KIF15: variants seen among roughly 807,000 people sequenced by gnomAD.
KIF15 encodes the protein kinesin family member 15.
In KIF15, 140 loss-of-function variants were observed where a neutral mutation model predicts 190.6. That is an observed-to-expected ratio of 0.73 (90% CI 0.64 to 0.84). The LOEUF is 0.84. Among genes scored for constraint, KIF15 ranks in the 40% least tolerant of loss-of-function variants. KIF15 has a pLI of 0.00. For missense variants in KIF15, 1,372 were observed against 1,584.4 expected, an observed-to-expected ratio of 0.87 and a Z score of 2.28; for synonymous variants, 528 against 551.3, an observed-to-expected ratio of 0.96 and a Z score of 0.59.
At chr3:44,831,074 T>C in intron 26 of KIF15, 56 bp downstream of exon 26, 1 of 1,550,734 alleles carries the variant, frequency 6.4e-7, no homozygotes, top group South Asian at 1.2e-5. Context: ...TCAATATGTG[T>C]ATTTGTGTGT....
intron 27 of KIF15, among the ~76,000 whole-genome samples, chr3:44,838,790 G>C (rs1386031683): frequency 6.6e-6 from 1 of 150,696 alleles, no homozygotes; most frequent in African/African-American, 2.4e-5. Flanking sequence ...GGAATCCACA[G>C]TTGAGGTTGT....
intron 20 of KIF15, 53 bp downstream of exon 20, chr3:44,815,129 C>A: frequency 1.5e-6 from 2 of 1,377,882 alleles, no homozygotes; most frequent in Admixed American, 2.6e-5. Flanking sequence ...TAACCTACGA[C>A]TGTTTGAAGT....
chr3:44,828,087 C>A (rs1697773632), intron 23 of KIF15, 127 bp from the exon 24 acceptor site: 1 of 618,062 alleles, frequency 1.6e-6, no homozygotes, highest in Non-Finnish European at 2.8e-6. Context: ...CCCAATTTAT[C>A]ATTTTCAAGT....
At chr3:44,762,629 TG>T (rs1705200571) in intron 1 of KIF15, among the ~76,000 whole-genome samples, 1 of 152,240 alleles carries the variant, frequency 6.6e-6, no homozygotes, top group South Asian at 2.1e-4. Context: ...TGAATGGTAA[TG>T]AGGAGAGGCC....
intron 20 of KIF15, among the ~76,000 whole-genome samples, chr3:44,822,534 A>G (rs1697401640): frequency 1.3e-5 from 2 of 152,060 alleles, no homozygotes; most frequent in African/African-American, 4.8e-5. Context: ...GTTTTTCCTG[A>G]ATTTGAATGT....
rs1443636638 is a variant in KIF15, at chr3:44,843,236, T to C, written c.3695+2T>C. On this transcript the variant is annotated splice_donor_variant, in intron 30 of 34. Transcript: ENST00000326047. LOFTEE classifies it high-confidence loss of function. The stretch of plus-strand genomic sequence containing the variant: ...TATTAAAAGACAAAAGGAAAACAGG[T>C]GAGAAAGAACCACGAGAACTCTATG... 6.3e-7 allele frequency: 1 copy of C among 1,598,302 alleles called. No homozygotes were observed. Among genetic ancestry groups the C allele is most frequent in the Admixed American group, 1.7e-5 (1 of 59,326 alleles).
At chr3:44,773,031 G>A (rs2125900336) in intron 1 of KIF15, among the ~76,000 whole-genome samples, 1 of 152,056 alleles carries the variant, frequency 6.6e-6, no homozygotes, top group East Asian at 1.9e-4. Flanking sequence ...AAGCACACCA[G>A]CTTGGTTACA....
Position 44,794,479 on chromosome 3 carries a change from A to G in KIF15, c.849+53A>G, listed in dbSNP as rs1575602004. On this transcript the variant is annotated intron_variant, in intron 8 of 34. Transcript: ENST00000326047. ...TGTGTGTGAGTTCTTACTAGCAGTC[A>G]ATACAGTCGTGATGCATGACAGTGT... The G allele has an allele frequency of 8.8e-6, 12 of 1,356,792 alleles. No individual in the cohort carries two copies. In the East Asian group the frequency reaches 2.3e-4, roughly 27 times the overall value. The allele number at this position is 1,356,792 out of a possible 1,614,324, so 84.0% of individuals were successfully genotyped here. A position where few individuals can be genotyped will look rare whatever the true frequency, so the allele number is the denominator to read the frequency against.
chr3:44,844,152 A>G (rs763886096), intron 30 of KIF15, among the ~76,000 whole-genome samples: 3 of 146,710 alleles, frequency 2.0e-5, no homozygotes, highest in Non-Finnish European at 4.4e-5. Flanking sequence ...CATCTTTGAC[A>G]GAGAAGCTTG....
chr3:44,861,591 T>C (rs1219087723), intron 6 of KIF15, among the ~76,000 whole-genome samples: 2 of 152,120 alleles, frequency 1.3e-5, no homozygotes, highest in Non-Finnish European at 2.9e-5. Flanking sequence ...CTTTAATAAG[T>C]TTCACCGGGA....
intron 30 of KIF15, among the ~76,000 whole-genome samples, chr3:44,846,340 G>GTTAGT (rs1698845867): frequency 6.6e-6 from 1 of 152,084 alleles, no homozygotes; most frequent in Non-Finnish European, 1.5e-5. Context: ...TGTATAACAG[G>GTTAGT]TTAGTTTAGT....
At chr3:44,861,085 A>G (rs4328843) in intron 6 of KIF15, among the ~76,000 whole-genome samples, 2,836 of 152,192 alleles carry the variant, frequency 0.019, 75 homozygotes, top group African/African-American at 0.064. Context: ...TTCACCTCCC[A>G]GGTTCAAGCG....
chr3:44,762,231 C>T (rs937834), intron 1 of KIF15, among the ~76,000 whole-genome samples: 89,886 of 152,024 alleles, frequency 0.59, 27,053 homozygotes, highest in East Asian at 0.89. Flanking sequence ...TCTAGATATC[C>T]TTGTCTCAGG....
intron 4 of KIF15, among the ~76,000 whole-genome samples, chr3:44,780,385 AATTTAGGAAAGG>A (rs1347389774): frequency 6.6e-6 from 1 of 152,204 alleles, no homozygotes; most frequent in Non-Finnish European, 1.5e-5. Context: ...AAAGACAAAG[AATTTAGGAAAGG>A]AAATGCTGTA....
chr3:44,799,091 C>T, intron 10 of KIF15: 1 of 354,882 alleles, frequency 2.8e-6, no homozygotes, highest in Non-Finnish European at 5.5e-6. Flanking sequence ...GACCCTAAGT[C>T]TCTTAAGATT....
At position 44,865,469 on chromosome 3, in the gene KIF15, G is replaced by C. The variant is rs1575703731; in HGVS notation, c.*60-7860G>C. On this transcript the variant is annotated intron_variant and NMD_transcript_variant, in intron 6 of 6. Coordinates refer to the KIF15 transcript ENST00000422209. ...GGAGATCCTGGGGTTGGTCTGCTTTGTGTATGGTACTTGAAACCACGCTGT... is the reference window on the plus strand; with the variant it reads ...GGAGATCCTGGGGTTGGTCTGCTTTCTGTATGGTACTTGAAACCACGCTGT... 1.5e-5 allele frequency: 6 copies of C among 412,608 alleles called. No individual in the cohort carries two copies. In the East Asian group the frequency reaches 2.3e-4, roughly 16 times the overall value. 25.6% of individuals were successfully genotyped at this position (412,608 alleles called of 1,614,324 possible).
rs1575590262 is a variant in KIF15, at chr3:44,784,835, A to C, written c.362-10A>C. 2.2e-6 allele frequency: 3 copies of C among 1,366,762 alleles called. No individual in the cohort carries two copies. The highest frequency in any genetic ancestry group is 3.0e-6 in the Non-Finnish European group (3 of 992,856). 84.7% of individuals were successfully genotyped at this position (1,366,762 alleles called of 1,614,324 possible). On this transcript the variant is annotated splice_polypyrimidine_tract_variant and intron_variant, in intron 5 of 34. Transcript: ENST00000326047. ...ATAAAAATCCAGTGTTTTTTTTTTC[A>C]TTTTTTTAGGACCATCTGAATCTGA...
At chr3:44,813,346 A>C (rs1359871340) in intron 19 of KIF15, 166 bp downstream of exon 19, 1 of 482,334 alleles carries the variant, frequency 2.1e-6, no homozygotes, top group Non-Finnish European at 3.6e-6. Context: ...AGTAACAGTA[A>C]TATATCATAA....
At chr3:44,815,176 A>C in intron 20 of KIF15, 100 bp downstream of exon 20, 1 of 1,065,916 alleles carries the variant, frequency 9.4e-7, no homozygotes, top group East Asian at 2.7e-5. Context: ...GCAGTTAGAC[A>C]AATAAAAAAG....
Sources: allele counts gnomAD v4.1 joint callset (sites outside exome capture counted in the v4.1 genomes callset), GRCh38; gene constraint gnomAD v4.1.1; transcripts MANE v1.5; gene names NCBI Gene and HGNC (gene_info 2026-07-23, HGNC 2026-07-21).